The following MTUS2 variants were observed in gnomAD, a reference collection of about 807,000 sequenced individuals.
MTUS2 encodes microtubule-associated tumor suppressor candidate 2.
MTUS2 carries 40 observed loss-of-function variants against 114.1 expected under a neutral mutation model. That is an observed-to-expected ratio of 0.35 (90% confidence interval 0.27 to 0.46). The LOEUF (loss-of-function observed/expected upper bound fraction) is 0.46, where lower values mean the gene tolerates loss of function less well. MTUS2 is among the 20% of genes least tolerant of loss of function. The probability of loss-of-function intolerance (pLI) is 1.00; values close to 1 mark genes in which losing one functional copy is unlikely to be tolerated. For missense variants in MTUS2, 1,679 were observed against 1,705.4 expected (o/e 0.98, Z 0.27); for synonymous variants, 688 against 672.0 (o/e 1.02, Z -0.37).
intron 2 of MTUS2, among the ~76,000 whole-genome samples, chr13:29,015,466 T>G (rs978931480): frequency 5.3e-5 from 8 of 152,208 alleles, no homozygotes; most frequent in Non-Finnish European, 1.0e-4. Context: ...ACTCATTCTG[T>G]GCCAGGCGCT....
At chr13:29,443,305 G>T (rs1593449630) in intron 9 of MTUS2, among the ~76,000 whole-genome samples, 1 of 152,222 alleles carries the variant, frequency 6.6e-6, no homozygotes, top group African/African-American at 2.4e-5. Context: ...CCATGGGCAA[G>T]CTTTGGCTCT....
rs1250472150 is a variant in MTUS2 at position 28,998,814 on chromosome 13, A to G, written c.-242-25643A>G. ...CGTCTAATTTTTTTTCAAAGTTTTT[A>G]ACTTCTTTGCCATTGGTTCGAACTT... On this transcript the variant is annotated intron_variant, in intron 2 of 15. Transcript: ENST00000612955. 2.6e-5 allele frequency among the ~76,000 whole-genome samples: 4 copies of G among 152,106 alleles called. No individual in the cohort carries two copies. The East Asian group carries it at 7.7e-4, about 29-fold the overall frequency.
At position 28,871,406 on chromosome 13, in the gene MTUS2, GAA is replaced by G. The variant is rs142354863; in HGVS notation, c.-243+31557_-243+31558del. Among the ~76,000 whole-genome samples the G allele has an allele frequency of 7.8e-4, 119 of 152,276 alleles. 1 individual carries two copies. The highest frequency in any genetic ancestry group is 2.8e-3 in the African/African-American group (115 of 41,564). On this transcript the variant is annotated intron_variant, in intron 2 of 15. Transcript: ENST00000612955. ...TATTCTGGGATTATAGTGGCTCAGT[GAA>G]GTTTTTGAATAGGGGCTCATAGTAA...
chr13:29,133,207 A>G (rs1891838492), intron 5 of MTUS2, among the ~76,000 whole-genome samples: 2 of 151,940 alleles, frequency 1.3e-5, no homozygotes, highest in South Asian at 4.2e-4. Context: ...TTTGAATGGT[A>G]TTGTTTGTTT....
At chr13:28,900,392 C>T (rs1452040998) in intron 2 of MTUS2, among the ~76,000 whole-genome samples, 1 of 152,188 alleles carries the variant, frequency 6.6e-6, no homozygotes, top group African/African-American at 2.4e-5. Flanking sequence ...TCCTTCACCA[C>T]CAGGATCCCT....
intron 8 of MTUS2, among the ~76,000 whole-genome samples, chr13:29,399,613 C>T (rs1258796706): frequency 1.3e-5 from 2 of 151,990 alleles, no homozygotes; most frequent in Non-Finnish European, 1.5e-5. Flanking sequence ...AGAAATTACC[C>T]AAAGTGTAAC....
intron 6 of MTUS2, among the ~76,000 whole-genome samples, chr13:29,319,721 G>A (rs1188624428): frequency 6.6e-6 from 1 of 152,098 alleles, no homozygotes; most frequent in Non-Finnish European, 1.5e-5. Flanking sequence ...GGTCAGCAGG[G>A]GTGCTGTTCA....
chr13:29,389,217 A>ATATGTATG (rs1311499347), intron 8 of MTUS2, among the ~76,000 whole-genome samples: 1 of 149,006 alleles, frequency 6.7e-6, no homozygotes, highest in Non-Finnish European at 1.5e-5. Flanking sequence ...TTTTTCAAAT[A>ATATGTATG]TATGTATGTA....
At chr13:28,850,527 C>T (rs1208791026) in intron 2 of MTUS2, among the ~76,000 whole-genome samples, 1 of 152,200 alleles carries the variant, frequency 6.6e-6, no homozygotes, top group Non-Finnish European at 1.5e-5. Flanking sequence ...GAATTCCCAG[C>T]AGCAGTGAGT....
intron 2 of MTUS2, among the ~76,000 whole-genome samples, chr13:28,986,999 T>C (rs1001125181): frequency 1.3e-5 from 2 of 152,224 alleles, no homozygotes; most frequent in Non-Finnish European, 2.9e-5. Flanking sequence ...CATTGTTATA[T>C]ACTCCCATGG....
intron 7 of MTUS2, among the ~76,000 whole-genome samples, chr13:29,358,422 C>T (rs1869934182): frequency 6.6e-6 from 1 of 152,260 alleles, no homozygotes; most frequent in Non-Finnish European, 1.5e-5. Context: ...TCTGTGGCCC[C>T]ACAGCCCCTC....
chr13:29,306,876 C>G (rs2139626737), intron 6 of MTUS2: 2 of 503,336 alleles, frequency 4.0e-6, no homozygotes, highest in Middle Eastern at 1.3e-3. Flanking sequence ...TTGTGGCCAT[C>G]AGTGACCCCT....
chr13:28,915,605 A>T (rs1303346909), intron 2 of MTUS2, among the ~76,000 whole-genome samples: 1 of 151,998 alleles, frequency 6.6e-6, no homozygotes, highest in Non-Finnish European at 1.5e-5. Flanking sequence ...TCTTTTGAAA[A>T]ATGTTGATTC....
At chr13:29,074,337 T>C (rs148688810) in intron 4 of MTUS2, among the ~76,000 whole-genome samples, 15 of 152,310 alleles carry the variant, frequency 9.8e-5, no homozygotes, top group African/African-American at 3.6e-4. Context: ...GTCCGGGTGG[T>C]GCTAGGGATC....
chr13:29,206,283 G>C (rs1455981799), intron 5 of MTUS2, among the ~76,000 whole-genome samples: 2 of 152,048 alleles, frequency 1.3e-5, no homozygotes, highest in Non-Finnish European at 2.9e-5. Flanking sequence ...GCTGATTTGA[G>C]TTTCTCATAG....
chr13:29,159,666 T>C (rs940082750), intron 5 of MTUS2, among the ~76,000 whole-genome samples: 1 of 151,066 alleles, frequency 6.6e-6, no homozygotes, highest in African/African-American at 2.4e-5. Context: ...AAAAATCCAA[T>C]TAGAACGTAG....
intron 2 of MTUS2, among the ~76,000 whole-genome samples, chr13:28,849,004 GTCT>G (rs765886431): frequency 6.6e-6 from 1 of 152,154 alleles, no homozygotes; most frequent in Non-Finnish European, 1.5e-5. Flanking sequence ...TTGCTGCATG[GTCT>G]TCTTATAACA....
intron 4 of MTUS2, among the ~76,000 whole-genome samples, chr13:29,040,585 T>G (rs1046435467): frequency 6.6e-6 from 1 of 152,234 alleles, no homozygotes; most frequent in Non-Finnish European, 1.5e-5. Context: ...ACCAGCAGTA[T>G]ATAAGTGTTC....
rs373240285 is a variant in MTUS2, at chr13:28,899,358, G to A, written c.-243+59508G>A. Among the ~76,000 whole-genome samples, 9 of 152,186 alleles carry A rather than the reference G, an allele frequency of 5.9e-5. No homozygotes were observed. The East Asian group carries it at 1.2e-3, about 20-fold the overall frequency. Reference sequence around the variant, plus strand: ...GCCAATCACCAAATTTTGGCCAAAGGTGGCCAGCTGTTCAAATAAGGCAAA... The same window carrying A: ...GCCAATCACCAAATTTTGGCCAAAGATGGCCAGCTGTTCAAATAAGGCAAA... On this transcript the variant is annotated intron_variant, in intron 2 of 15. Transcript: ENST00000612955.
Sources: allele counts gnomAD v4.1 joint callset (sites outside exome capture counted in the v4.1 genomes callset), GRCh38; gene constraint gnomAD v4.1.1; transcripts MANE v1.5; gene names NCBI Gene and HGNC (gene_info 2026-07-23, HGNC 2026-07-21).